Variants in FBXL17 observed in about 807,000 individuals in gnomAD.
The protein encoded by FBXL17 is F-box/LRR-repeat protein 17.
A neutral mutation model predicts 66.2 loss-of-function variants in FBXL17; 22 were observed. The ratio of observed to expected loss-of-function variants is 0.33; its 90% confidence interval spans 0.24 to 0.47. The LOEUF (loss-of-function observed/expected upper bound fraction) is 0.47. FBXL17 is among the 20% of genes least tolerant of loss of function. The probability of loss-of-function intolerance (pLI) is 1.00; values close to 1 mark genes in which losing one functional copy is unlikely to be tolerated. For synonymous variants in FBXL17, 474 were observed against 400.5 expected (o/e 1.18, Z -2.19); for missense variants, 878 against 948.2 (o/e 0.93, Z 0.97).
chr5:108,191,061 A>C (rs1237241809), intron 5 of FBXL17, among the ~76,000 whole-genome samples: 1 of 152,220 alleles, frequency 6.6e-6, no homozygotes, highest in Admixed American at 6.5e-5. Flanking sequence ...TATGACTCTT[A>C]AACCTATAAA....
intron 6 of FBXL17, among the ~76,000 whole-genome samples, chr5:108,172,128 A>G (rs959567761): frequency 6.6e-6 from 1 of 152,184 alleles, no homozygotes; most frequent in African/African-American, 2.4e-5. Flanking sequence ...ATGGTCTAAG[A>G]TGGCCTTACT....
At chr5:107,972,540 G>C (rs985587717) in intron 7 of FBXL17, among the ~76,000 whole-genome samples, 4 of 152,168 alleles carry the variant, frequency 2.6e-5, no homozygotes, top group Non-Finnish European at 4.4e-5. Flanking sequence ...TCCAATGTAA[G>C]ATCAAGCTTC....
chr5:107,964,610 C>A (rs1012018231), intron 7 of FBXL17, among the ~76,000 whole-genome samples: 1 of 152,010 alleles, frequency 6.6e-6, no homozygotes, highest in Non-Finnish European at 1.5e-5. Context: ...ATCATTAGTA[C>A]ACAGTTAAGA....
In FBXL17 at chr5:107,983,470, A is replaced by C. The variant is rs146215804; in HGVS notation, c.1822+37455T>G. Among the ~76,000 whole-genome samples the C allele has an allele frequency of 2.1e-3, 319 of 152,156 alleles. 2 individuals carry two copies. The highest frequency in any genetic ancestry group is 7.3e-3 in the African/African-American group (303 of 41,488). ...CAGCCTCCCAAAGTGTTGAGATAAC[A>C]GGCATGAGCCACTGGGCCCACCCAG... On this transcript the variant is annotated intron_variant, in intron 7 of 8. Transcript: ENST00000542267.
At chr5:108,336,257 G>A (rs540417838) in intron 4 of FBXL17, among the ~76,000 whole-genome samples, 25 of 152,178 alleles carry the variant, frequency 1.6e-4, no homozygotes, top group African/African-American at 5.5e-4. Context: ...ATGCAATGCC[G>A]GTGTTCTGAA....
At chr5:108,272,562 C>T (rs181305868) in intron 4 of FBXL17, among the ~76,000 whole-genome samples, 1 of 152,076 alleles carries the variant, frequency 6.6e-6, no homozygotes, top group Non-Finnish European at 1.5e-5. Flanking sequence ...CCATGTTGGC[C>T]AAGCTTATCT....
intron 6 of FBXL17, among the ~76,000 whole-genome samples, chr5:108,174,262 A>ATTT (rs1440774451): frequency 1.3e-5 from 2 of 152,152 alleles, no homozygotes; most frequent in Admixed American, 1.3e-4. Context: ...ATTTTGTTTA[A>ATTT]TTATTTCAAA....
At chr5:108,323,534 T>C (rs1358734460) in intron 4 of FBXL17, among the ~76,000 whole-genome samples, 1 of 152,000 alleles carries the variant, frequency 6.6e-6, no homozygotes, top group Non-Finnish European at 1.5e-5. Context: ...CATTGCAATA[T>C]ACAGGTTCAA....
In FBXL17 at chr5:107,859,468, T is replaced by C. The variant is rs915665623; in HGVS notation, c.*2252A>G. 45 of 142,438 alleles carry C rather than the reference T, an allele frequency of 3.2e-4. No homozygotes were observed. The highest frequency in any genetic ancestry group is 1.1e-3 in the African/African-American group (44 of 38,544). The allele number at this position is 142,438 out of a possible 1,614,324, so 8.8% of individuals were successfully genotyped here. A position where few individuals can be genotyped will look rare whatever the true frequency, so the allele number is the denominator to read the frequency against. On this transcript the variant is annotated 3_prime_UTR_variant, in exon 9 of 9. Coordinates refer to ENST00000542267, the MANE Select transcript of FBXL17 (RefSeq NM_001163315.3). ...TGGTATTTCTACGGATTTCTACAAA[T>C]GTACCAAAGCAGTTTTCCAGATTAT...
At chr5:108,030,548 C>T (rs1040805936) in intron 6 of FBXL17, among the ~76,000 whole-genome samples, 15 of 152,098 alleles carry the variant, frequency 9.9e-5, no homozygotes, top group African/African-American at 3.4e-4. Context: ...CAGTGCATCT[C>T]TTTGGCGTAT....
Position 108,381,544 on chromosome 5 carries a change from T to C in FBXL17, c.148A>G (p.Ser50Gly), listed in dbSNP as rs1027754546. The C allele has an allele frequency of 5.3e-5, 76 of 1,425,718 alleles. No homozygotes were observed. In the Admixed American group the frequency reaches 1.6e-3, roughly 31 times the overall value. The allele number at this position is 1,425,718 out of a possible 1,614,324, so 88.3% of individuals were successfully genotyped here. ...GGCCCGCGGAAGAAGCAGTCCCGGC[T>C]CCGGGGCGCCGCCGGCTGAGGGGGC... is the stretch of plus-strand genomic sequence containing the variant. ...KVPPQPAAPRSRDCFFRGPCM... is the reference protein window; with the variant it reads ...KVPPQPAAPRGRDCFFRGPCM... Residue 50 changes from serine to glycine, a missense_variant, in exon 1 of 9, where the codon AGC (serine) becomes GGC (glycine). By Grantham distance (56) the Ser-to-Gly change is moderately conservative. Transcript: ENST00000542267.
At chr5:108,371,358 C>G (rs187500616) in intron 1 of FBXL17, among the ~76,000 whole-genome samples, 222 of 152,294 alleles carry the variant, frequency 1.5e-3, no homozygotes, top group African/African-American at 5.2e-3. Context: ...TACACAGCAG[C>G]ACAGGTGGCT....
intron 6 of FBXL17, among the ~76,000 whole-genome samples, chr5:108,165,176 T>C (rs1317540994): frequency 6.6e-6 from 1 of 152,208 alleles, no homozygotes; most frequent in East Asian, 1.9e-4. Flanking sequence ...TGTGCTAAAA[T>C]CTTACCACTA....
chr5:108,235,701 C>A (rs1755569329), intron 4 of FBXL17, among the ~76,000 whole-genome samples: 1 of 152,192 alleles, frequency 6.6e-6, no homozygotes, highest in Non-Finnish European at 1.5e-5. Context: ...TCATCTAATT[C>A]ATTTCATCCC....
intron 4 of FBXL17, among the ~76,000 whole-genome samples, chr5:108,280,113 G>C (rs537745158): frequency 3.0e-4 from 46 of 152,144 alleles, no homozygotes; most frequent in South Asian, 8.3e-4. Context: ...CCAGATACAG[G>C]AGGCTCAGAG....
intron 4 of FBXL17, chr5:108,298,084 T>C (rs1758422022): frequency 9.3e-6 from 9 of 972,662 alleles, no homozygotes; most frequent in African/African-American, 7.0e-5. Context: ...CAAATACCCA[T>C]GTAGGGCTTA....
chr5:108,050,448 C>T (rs1747426343), intron 6 of FBXL17, among the ~76,000 whole-genome samples: 1 of 152,126 alleles, frequency 6.6e-6, no homozygotes, highest in African/African-American at 2.4e-5. Flanking sequence ...ATTGAACAAC[C>T]TGCTCCTGAA....
chr5:108,012,413 T>G (rs931385128), intron 7 of FBXL17, among the ~76,000 whole-genome samples: 2 of 152,180 alleles, frequency 1.3e-5, no homozygotes, highest in Non-Finnish European at 2.9e-5. Context: ...ATAAGTAAAT[T>G]AAACCTATTA....
rs1397256479 is a variant in FBXL17, at chr5:107,860,742, C to T, written c.*978G>A. 6.6e-6 allele frequency: 1 copy of T among 152,600 alleles called. No homozygotes were observed. Among genetic ancestry groups the T allele is most frequent in the Non-Finnish European group, 1.5e-5 (1 of 68,026 alleles). 9.5% of individuals were successfully genotyped at this position (152,600 alleles called of 1,614,324 possible). On this transcript the variant is annotated 3_prime_UTR_variant, in exon 9 of 9. Transcript: ENST00000542267. ...GTAGAAAGATTGTCTACTTATATCT[C>T]ACTCATGAATCTTCTATTAATGTGA...
Sources: allele counts gnomAD v4.1 joint callset (sites outside exome capture counted in the v4.1 genomes callset), GRCh38; gene constraint gnomAD v4.1.1; transcripts MANE v1.5; gene names NCBI Gene and HGNC (gene_info 2026-07-23, HGNC 2026-07-21).